NFYC: variants seen among roughly 807,000 people sequenced by gnomAD.
NFYC encodes the protein CAAT box DNA-binding protein subunit C.
In NFYC, 25 loss-of-function variants were observed where a neutral mutation model predicts 53.1. That is an observed-to-expected ratio of 0.47 (90% confidence interval 0.34 to 0.66). The LOEUF is 0.66. Among genes scored for constraint, NFYC ranks in the 30% least tolerant of loss-of-function variants. The pLI, the probability that NFYC is intolerant of heterozygous loss-of-function variation, is 0.01. For missense variants in NFYC, 260 were observed against 422.7 expected (o/e 0.62, Z 3.38); for synonymous variants, 145 against 152.6 (o/e 0.95, Z 0.37).
chr1:40,755,420 G>C (rs1646157509), intron 5 of NFYC, among the ~76,000 whole-genome samples: 1 of 152,230 alleles, frequency 6.6e-6, no homozygotes, highest in South Asian at 2.1e-4. Flanking sequence ...ATACTGAATT[G>C]TGAGTCCAAG....
intron 1 of NFYC, among the ~76,000 whole-genome samples, chr1:40,715,345 T>C (rs1018580006): frequency 1.2e-4 from 18 of 151,660 alleles, no homozygotes; most frequent in African/African-American, 3.9e-4. Context: ...ATAGTGCCAC[T>C]GCACTCCAGC....
chr1:40,705,676 G>A (rs1342496780), intron 1 of NFYC, among the ~76,000 whole-genome samples: 2 of 152,142 alleles, frequency 1.3e-5, no homozygotes, highest in African/African-American at 2.4e-5. Flanking sequence ...GTGATATTTG[G>A]TCATACCATT....
chr1:40,746,144 T>G (rs558880201), intron 2 of NFYC, among the ~76,000 whole-genome samples: 1 of 152,350 alleles, frequency 6.6e-6, no homozygotes, highest in South Asian at 2.1e-4. Flanking sequence ...TTGTTGAAAT[T>G]TTAATAAACT....
Position 40,725,733 on chromosome 1 carries a change from C to CT in NFYC, c.-8-13102dup, listed in dbSNP as rs199954161. On this transcript the variant is annotated intron_variant, in intron 1 of 9. Coordinates refer to ENST00000447388, the MANE Select transcript of NFYC (RefSeq NM_014223.5). ...CTCATTTAAATGAAGAAACCTAGAA[C>CT]TAACCTCAGTAAATACCTGAGCAGT... Among the ~76,000 whole-genome samples the CT allele has an allele frequency of 5.8e-4, 89 of 152,290 alleles. 1 individual carries two copies. Among genetic ancestry groups the CT allele is most frequent in the African/African-American group, 2.0e-3 (85 of 41,558 alleles).
rs1394788583 is a variant in NFYC, at chr1:40,747,551, G to A, written c.123G>A (p.Gln41=). Residue 41 remains glutamine, a synonymous_variant, in exon 3 of 10, where the codon CAG becomes CAA. Coordinates refer to ENST00000447388, the MANE Select transcript of NFYC (RefSeq NM_014223.5). ...CATTTCAGAAAGACTTCCGAGTGCA[G>A]GAACTCCCACTGGCTCGTATTAAGA... ...RNLTVKDFRV[Q]ELPLARIKKI... is the part of the protein sequence containing the mutation. 1 of 1,613,302 alleles carries A rather than the reference G, an allele frequency of 6.2e-7. No homozygotes were observed. Among genetic ancestry groups the A allele is most frequent in the Non-Finnish European group, 8.5e-7 (1 of 1,179,360 alleles).
At chr1:40,729,923 G>A (rs958619920) in intron 1 of NFYC, among the ~76,000 whole-genome samples, 1 of 152,080 alleles carries the variant, frequency 6.6e-6, no homozygotes, top group Non-Finnish European at 1.5e-5. Flanking sequence ...TGATCCACCC[G>A]CCTCGGCCTC....
In NFYC at chr1:40,749,684, C is replaced by T. The variant is rs370890088; in HGVS notation, c.289C>T (p.Gln97Ter). 6.2e-7 allele frequency: 1 copy of T among 1,613,150 alleles called. No homozygotes were observed. Among genetic ancestry groups the T allele is most frequent in the Non-Finnish European group, 8.5e-7 (1 of 1,179,088 alleles). ...AGAAGATAACAAGCGCCGGACTCTA[C>T]AGGTATTATTGCAGACTTAGATTAG... The part of the protein sequence containing the change: ...HTEDNKRRTL[Q>*]RNDIAMAITK... Residue 97 changes from glutamine to a stop codon, truncating the protein, a stop_gained and splice_region_variant, in exon 4 of 10, where the codon CAG becomes TAG. Coordinates refer to ENST00000447388, the MANE Select transcript of NFYC (RefSeq NM_014223.5). LOFTEE classifies it high-confidence loss of function.
intron 4 of NFYC, among the ~76,000 whole-genome samples, chr1:40,752,693 T>A (rs145494787): frequency 6.6e-6 from 1 of 152,112 alleles, no homozygotes; most frequent in East Asian, 1.9e-4. Flanking sequence ...TGTATATAGA[T>A]CCAGTGACTT....
intron 5 of NFYC, among the ~76,000 whole-genome samples, chr1:40,753,516 C>G (rs796199359): frequency 1.2e-4 from 18 of 152,310 alleles, no homozygotes; most frequent in African/African-American, 4.3e-4. Context: ...TTCAAGTTAT[C>G]TTAGGAAGTC....
At chr1:40,725,711 A>G (rs1644486097) in intron 1 of NFYC, among the ~76,000 whole-genome samples, 1 of 152,192 alleles carries the variant, frequency 6.6e-6, no homozygotes, top group Non-Finnish European at 1.5e-5. Flanking sequence ...ACCTTAGCTC[A>G]TTTAAATGAA....
chr1:40,734,614 G>A (rs1024267382), intron 1 of NFYC, among the ~76,000 whole-genome samples: 1 of 152,110 alleles, frequency 6.6e-6, no homozygotes, highest in South Asian at 2.1e-4. Flanking sequence ...ACCCGCCTTG[G>A]CCTCCCAAAG....
intron 5 of NFYC, chr1:40,754,435 G>A (rs370518245): frequency 2.8e-5 from 15 of 533,644 alleles, no homozygotes; most frequent in Admixed American, 1.4e-4. Context: ...TGTTTACAGC[G>A]GCAGGCTGCC....
chr1:40,725,564 C>T (rs1321075833), intron 1 of NFYC, among the ~76,000 whole-genome samples: 2 of 152,198 alleles, frequency 1.3e-5, no homozygotes, highest in African/African-American at 4.8e-5. Context: ...TAAGGTCCAT[C>T]TGTGTAAACA....
At chr1:40,748,359 G>T (rs548765555) in intron 3 of NFYC, among the ~76,000 whole-genome samples, 1 of 151,728 alleles carries the variant, frequency 6.6e-6, no homozygotes, top group Admixed American at 6.6e-5. Context: ...GGCTAGTCAC[G>T]AACTCCTGGG....
intron 1 of NFYC, among the ~76,000 whole-genome samples, chr1:40,729,090 A>G (rs1488898151): frequency 6.6e-6 from 1 of 152,212 alleles, no homozygotes; most frequent in Non-Finnish European, 1.5e-5. Flanking sequence ...TGCTCCATTT[A>G]TAGAGCACAG....
chr1:40,753,172 A>G lies in NFYC; in HGVS notation c.313A>G (p.Ile105Val), dbSNP rs1263101960. The change falls in exon 5 of 10, where the codon ATT becomes GTT. Residue 105 changes from isoleucine (I) to valine (V), a missense_variant. Ile to Val is a conservative substitution (Grantham distance 29, BLOSUM62 3). Coordinates refer to ENST00000447388, the MANE Select transcript of NFYC (RefSeq NM_014223.5). Reference protein sequence around the residue: ...TLQRNDIAMAITKFDQFDFLI... With the variant: ...TLQRNDIAMAVTKFDQFDFLI... Reference sequence around the variant, plus strand: ...ACAGAGAAATGATATCGCCATGGCAATTACAAAATTTGATCAGTTTGATTT... The same window carrying G: ...ACAGAGAAATGATATCGCCATGGCAGTTACAAAATTTGATCAGTTTGATTT... 2 of 1,613,494 alleles carry G rather than the reference A, an allele frequency of 1.2e-6. No homozygotes were observed. The highest frequency in any genetic ancestry group is 1.7e-5 in the Admixed American group (1 of 60,016).
chr1:40,727,610 A>G (rs1277418453), intron 1 of NFYC, among the ~76,000 whole-genome samples: 2 of 149,576 alleles, frequency 1.3e-5, no homozygotes, highest in African/African-American at 2.5e-5. Flanking sequence ...GGCTCACTGC[A>G]ACCTCCGCCT....
intron 1 of NFYC, among the ~76,000 whole-genome samples, chr1:40,719,972 T>G (rs1644272408): frequency 6.6e-6 from 1 of 152,222 alleles, no homozygotes; most frequent in African/African-American, 2.4e-5. Flanking sequence ...GAAACTACTT[T>G]AAGAAGTGTA....
chr1:40,753,851 G>GAGAAAACC lies in NFYC; in HGVS notation c.387+607_387+608insAAAACCAG, dbSNP rs1646053619. Among the ~76,000 whole-genome samples, 6 of 152,286 alleles carry GAGAAAACC rather than the reference G, an allele frequency of 3.9e-5. No individual in the cohort carries two copies. In the South Asian group the frequency reaches 1.2e-3, roughly 32 times the overall value. Reference sequence around the variant, plus strand: ...CAGTCAGATTTGAGAACCACCACTTGAGCTGTTTTGCAAGCAATCACAAGA... The same window carrying GAGAAAACC: ...CAGTCAGATTTGAGAACCACCACTTGAGAAAACCAGCTGTTTTGCAAGCAATCACAAGA... On this transcript the variant is annotated intron_variant, in intron 5 of 9. Coordinates refer to ENST00000447388, the MANE Select transcript of NFYC (RefSeq NM_014223.5).
Sources: allele counts gnomAD v4.1 joint callset (sites outside exome capture counted in the v4.1 genomes callset), GRCh38; gene constraint gnomAD v4.1.1; transcripts MANE v1.5; gene names NCBI Gene and HGNC (gene_info 2026-07-23, HGNC 2026-07-21).